NOXA1: variants seen among roughly 807,000 people sequenced by gnomAD.
NOXA1 encodes the protein NCF2-like protein.
NOXA1 carries 56 observed loss-of-function variants against 64.8 expected under a neutral mutation model. The observed-to-expected ratio is 0.86, with a 90% CI of 0.70 to 1.08. NOXA1 has a LOEUF of 1.08. NOXA1 is among the 50% of genes least tolerant of loss of function. The pLI is 0.00. For synonymous variants in NOXA1, 295 were observed against 294.8 expected (o/e 1.00, Z -0.01); for missense variants, 668 against 658.5 (o/e 1.01, Z -0.16).
chr9:137,429,347 G>T lies in NOXA1; in HGVS notation c.576G>T (p.Lys192Asn). The change falls in exon 5 of 14, where the codon AAG (lysine) becomes AAT (asparagine). Residue 192 changes from lysine (K) to asparagine (N), a missense_variant. Coordinates refer to ENST00000683555, the MANE Select transcript of NOXA1 (RefSeq NM_001256067.2). ...TCCGGCCCCACCGGTGGCACCTGAA[G>T]CACTTGGAGCCCGTGGATTTCCTGG... The part of the protein sequence containing the change: ...EVFRPHRWHL[K>N]HLEPVDFLGK... 1 of 1,585,150 alleles carries T rather than the reference G, an allele frequency of 6.3e-7. No homozygotes were observed. The highest frequency in any genetic ancestry group is 1.8e-5 in the Admixed American group (1 of 55,084).
At position 137,425,666 on chromosome 9, in the gene NOXA1, G is replaced by C. The variant is rs190029580; in HGVS notation, c.178-582G>C. Among the ~76,000 whole-genome samples, 61 of 152,292 alleles carry C rather than the reference G, an allele frequency of 4.0e-4. No individual in the cohort carries two copies. In the East Asian group the frequency reaches 8.9e-3, roughly 22 times the overall value. On this transcript the variant is annotated intron_variant, in intron 1 of 13. Coordinates refer to ENST00000683555, the MANE Select transcript of NOXA1 (RefSeq NM_001256067.2). ...TTCCCAACATGCTAGGATTACAGGC[G>C]TGAGCTAACATGCCCGGCCTGTAAT...
rs1456026834 is a variant in NOXA1, at chr9:137,431,448, T to TG, written c.804+113dup. ...CATGAGGGTGGAGGGAGCAGCTCGC[T>TG]GGGGGGTAGACGGGGCCGGGCTCAC... On this transcript the variant is annotated intron_variant, in intron 8 of 13. Transcript: ENST00000683555. This position sits in a 1 kb window ranked among gnomAD's most constrained non-coding sequence, Gnocchi z 5.6. The TG allele has an allele frequency of 6.9e-6, 6 of 874,892 alleles. 1 individual carries two copies. The highest frequency in any genetic ancestry group is 2.1e-5 in the Admixed American group (1 of 48,112). The allele number at this position is 874,892 out of a possible 1,614,324, so 54.2% of individuals were successfully genotyped here. A position where few individuals can be genotyped will look rare whatever the true frequency, so the allele number is the denominator to read the frequency against.
intron 9 of NOXA1, 65 bp from the exon 10 acceptor site, chr9:137,433,140 C>G (rs1839189207): frequency 6.2e-7 from 1 of 1,608,014 alleles, no homozygotes; most frequent in South Asian, 1.1e-5. Flanking sequence ...TGGGTGCCGG[C>G]TGCCCTCCAC....
intron 5 of NOXA1, among the ~76,000 whole-genome samples, chr9:137,430,263 G>A (rs1839049430): frequency 6.6e-6 from 1 of 152,180 alleles, no homozygotes; most frequent in Non-Finnish European, 1.5e-5. Context: ...CACCCCTAAA[G>A]TCACAGGAAT....
intron 2 of NOXA1, among the ~76,000 whole-genome samples, chr9:137,427,824 A>T (rs111526412): frequency 5.3e-5 from 8 of 152,310 alleles, no homozygotes; most frequent in African/African-American, 1.9e-4. Context: ...GCCCCAGCAC[A>T]CAGTGACCCC....
chr9:137,428,102 C>T lies in NOXA1; in HGVS notation c.330C>T (p.Tyr110=), dbSNP rs1173581459. The T allele has an allele frequency of 2.5e-6, 4 of 1,583,038 alleles. No homozygotes were observed. Among genetic ancestry groups the T allele is most frequent in the Non-Finnish European group, 3.4e-6 (4 of 1,166,190 alleles). The change falls in exon 3 of 14, where the codon TAC becomes TAT. Residue 110 remains tyrosine, a synonymous_variant. Coordinates refer to ENST00000683555, the MANE Select transcript of NOXA1 (RefSeq NM_001256067.2). ...TGAGGGGCCACGCTGCCATCGACTA[C>T]ACGCAGCTGGGCCTGCGGTTCAAGC... ...EQLRGHAAID[Y]TQLGLRFKLQ...
intron 1 of NOXA1, among the ~76,000 whole-genome samples, chr9:137,424,368 G>A (rs1453814704): frequency 2.0e-5 from 3 of 152,236 alleles, no homozygotes; most frequent in South Asian, 2.1e-4. Flanking sequence ...TGGGCAAAGC[G>A]CATGAGACCC....
At chr9:137,427,814 G>T (rs1409744497) in intron 2 of NOXA1, among the ~76,000 whole-genome samples, 1 of 152,168 alleles carries the variant, frequency 6.6e-6, no homozygotes, top group Non-Finnish European at 1.5e-5. Context: ...AAATGGTGGA[G>T]CCCCAGCACA....
intron 2 of NOXA1, 77 bp downstream of exon 2, chr9:137,426,407 C>G (rs1379282651): frequency 2.9e-5 from 34 of 1,190,054 alleles, no homozygotes; most frequent in Non-Finnish European, 4.1e-5. Flanking sequence ...ACCTCCTCCT[C>G]CTCCCTCTCC....
Position 137,429,262 on chromosome 9 carries a change from C to A in NOXA1, c.505-14C>A, listed in dbSNP as rs1471229463. ...TCACCCCGTCTGCATCTGCTGGATA[C>A]CCACCCCCTCCAGAGACGGGGCTCA... On this transcript the variant is annotated splice_polypyrimidine_tract_variant and intron_variant, in intron 4 of 13. Transcript: ENST00000683555. The A allele has an allele frequency of 1.3e-6, 2 of 1,524,008 alleles. No individual in the cohort carries two copies. The highest frequency in any genetic ancestry group is 2.0e-5 in the Admixed American group (1 of 48,986). 94.4% of individuals were successfully genotyped at this position (1,524,008 alleles called of 1,614,324 possible).
chr9:137,425,315 C>T (rs1004891802), intron 1 of NOXA1, among the ~76,000 whole-genome samples: 6 of 152,154 alleles, frequency 3.9e-5, no homozygotes, highest in African/African-American at 7.2e-5. Flanking sequence ...CACATGAAGA[C>T]GTGTGTTGTT....
chr9:137,432,346 T>G (rs1451399616), intron 8 of NOXA1, among the ~76,000 whole-genome samples: 1 of 148,712 alleles, frequency 6.7e-6, no homozygotes, highest in South Asian at 2.1e-4. Context: ...TTGGGAGGCC[T>G]AGGCAGGCGG....
intron 5 of NOXA1, among the ~76,000 whole-genome samples, chr9:137,429,600 T>C (rs1839000739): frequency 6.6e-6 from 1 of 152,058 alleles, no homozygotes; most frequent in African/African-American, 2.4e-5. Context: ...GCCGGCTGCA[T>C]AGGAGGGGGC....
chr9:137,432,510 G>A (rs982569758), intron 8 of NOXA1, among the ~76,000 whole-genome samples: 1 of 152,154 alleles, frequency 6.6e-6, no homozygotes, highest in African/African-American at 2.4e-5. Context: ...AACCCAGGAG[G>A]CGGAGCTTAT....
At chr9:137,428,733 A>C in intron 3 of NOXA1, 149 bp from the exon 4 acceptor site, 3 of 227,572 alleles carry the variant, frequency 1.3e-5, no homozygotes, top group Non-Finnish European at 2.1e-5. Context: ...ACTGGGGGAG[A>C]GGCTGGGTGG....
rs764731470 is a variant in NOXA1, at chr9:137,433,082, C to T, written c.850+8C>T. 4.1e-5 allele frequency: 66 copies of T among 1,612,674 alleles called. No homozygotes were observed. Among genetic ancestry groups the T allele is most frequent in the Non-Finnish European group, 5.1e-5 (60 of 1,179,864 alleles). On this transcript the variant is annotated splice_region_variant and intron_variant, in intron 9 of 13. Coordinates refer to ENST00000683555, the MANE Select transcript of NOXA1 (RefSeq NM_001256067.2). Reference sequence around the variant, plus strand: ...AGGCTCCTCTCTCCCCAGGTATGGGCGTCCTCAGCGGCGGGGTCCCCGGGT... The same window carrying T: ...AGGCTCCTCTCTCCCCAGGTATGGGTGTCCTCAGCGGCGGGGTCCCCGGGT...
chr9:137,426,415 T>TC, intron 2 of NOXA1, 85 bp downstream of exon 2: 1 of 1,095,224 alleles, frequency 9.1e-7, no homozygotes, highest in East Asian at 2.4e-5. Flanking sequence ...CTCCTCCCTC[T>TC]CCATCCACTC....
In NOXA1 at chr9:137,430,773, G is replaced by A; in HGVS notation, c.613-11G>A. The A allele has an allele frequency of 6.3e-7, 1 of 1,591,798 alleles. No individual in the cohort carries two copies. Among genetic ancestry groups the A allele is most frequent in the South Asian group, 1.1e-5 (1 of 90,050 alleles). Reference sequence around the variant, plus strand: ...TGATCCCTGACCCAGCGTCCCCACTGTCCCCGCCAGGTGGTGGCCTCTGCC... The same window carrying A: ...TGATCCCTGACCCAGCGTCCCCACTATCCCCGCCAGGTGGTGGCCTCTGCC... On this transcript the variant is annotated splice_polypyrimidine_tract_variant and intron_variant, in intron 5 of 13. Transcript: ENST00000683555.
intron 10 of NOXA1, 28 bp downstream of exon 10, chr9:137,433,291 C>T (rs1192897525): frequency 6.5e-6 from 10 of 1,539,328 alleles, no homozygotes; most frequent in Non-Finnish European, 8.7e-6. Flanking sequence ...CTTCACCTGT[C>T]AGTCACCTGA....
Sources: gnomAD v4.1 joint callset for allele counts (sites outside exome capture counted in the v4.1 genomes callset) on GRCh38, gnomAD v4.1.1 for gene constraint, Gnocchi (gnomAD v3.1) non-coding constraint, MANE v1.5 for transcripts, NCBI Gene and HGNC (gene_info 2026-07-23, HGNC 2026-07-21) for gene names.